PISD: variants seen among roughly 807,000 people sequenced by gnomAD.
PISD encodes phosphatidylserine decarboxylase, also known as phosphatidylserine decarboxylase proenzyme, mitochondrial.
In PISD, 31 loss-of-function variants were observed where a neutral mutation model predicts 43.5. The observed-to-expected ratio is 0.71, with a 90% CI of 0.54 to 0.96. The LOEUF is 0.96. Ranked by LOEUF, PISD falls within the 40% of genes least tolerant of loss-of-function variation. PISD has a pLI of 0.00. For synonymous variants in PISD, 259 were observed against 228.7 expected (o/e 1.13, Z -1.20); for missense variants, 523 against 548.4 (o/e 0.95, Z 0.46).
Position 31,648,090 on chromosome 22 carries a change from C to G in PISD, c.321+11G>C. ...GGACGAGAACCCAAGGCAGTTCCAC[C>G]TCATTCCTACCTCCCAGTGACCAGC... On this transcript the variant is annotated intron_variant, in intron 3 of 7. Coordinates refer to ENST00000439502, the MANE Select transcript of PISD (RefSeq NM_001326411.2). 1.9e-6 allele frequency: 3 copies of G among 1,607,642 alleles called. No individual in the cohort carries two copies. The highest frequency in any genetic ancestry group is 1.7e-6 in the Non-Finnish European group (2 of 1,177,884).
At position 31,619,198 on chromosome 22, in the gene PISD, G is replaced by A. The variant is rs541952690; in HGVS notation, c.*414C>T. The A allele has an allele frequency of 9.9e-4, 316 of 320,724 alleles. 5 individuals carry two copies. The highest frequency in any genetic ancestry group is 7.8e-3 in the South Asian group (309 of 39,714). 19.9% of individuals were successfully genotyped at this position (320,724 alleles called of 1,614,324 possible). A position where few individuals can be genotyped will look rare whatever the true frequency, so the allele number is the denominator to read the frequency against. ...AGGCACCTCACCCTGTGCAGCAGGA[G>A]CGTTAAGGCCAAAAAACAAAAGGGG... On this transcript the variant is annotated 3_prime_UTR_variant, in exon 8 of 8. Transcript: ENST00000439502.
chr22:31,629,092 C>A (rs552109063), intron 3 of PISD: 1 of 985,476 alleles, frequency 1.0e-6, no homozygotes, highest in Admixed American at 6.1e-5. Context: ...AGTGTCCCCA[C>A]CCGTCCCTCA....
chr22:31,625,507 C>G (rs1009472253), intron 3 of PISD: 7 of 587,150 alleles, frequency 1.2e-5, no homozygotes, highest in African/African-American at 1.1e-4. Flanking sequence ...TAGGGAAGAT[C>G]GCAGGCATGA....
intron 3 of PISD, among the ~76,000 whole-genome samples, chr22:31,640,575 GTTTTTTTTTT>G (rs759964791): frequency 2.2e-5 from 2 of 91,254 alleles, no homozygotes; most frequent in African/African-American, 4.5e-5. Context: ...CGGTTTGGTT[GTTTTTTTTTT>G]TTTTTTTTTT....
intron 2 of PISD, among the ~76,000 whole-genome samples, chr22:31,650,428 C>G (rs531955629): frequency 3.3e-5 from 5 of 150,922 alleles, no homozygotes; most frequent in African/African-American, 1.2e-4. Flanking sequence ...GTCCCAGCTA[C>G]TTGGAGAATG....
intron 3 of PISD, among the ~76,000 whole-genome samples, chr22:31,624,433 C>A (rs1233944380): frequency 6.6e-6 from 1 of 152,160 alleles, no homozygotes; most frequent in African/African-American, 2.4e-5. Context: ...TCCAGGCCCC[C>A]CCTTTCCTCA....
intron 6 of PISD, 43 bp downstream of exon 6, chr22:31,620,953 A>C: frequency 6.3e-7 from 1 of 1,575,056 alleles, no homozygotes. Context: ...CCTCTATATG[A>C]AGCCCACAGA....
intron 3 of PISD, among the ~76,000 whole-genome samples, chr22:31,635,121 G>A (rs893934212): frequency 1.6e-4 from 24 of 152,200 alleles, no homozygotes; most frequent in Admixed American, 3.3e-4. Flanking sequence ...AATTGAGATC[G>A]TGCCATTGCA....
At chr22:31,656,785 A>C (rs1208272280) in intron 1 of PISD, among the ~76,000 whole-genome samples, 1 of 151,954 alleles carries the variant, frequency 6.6e-6, no homozygotes, top group Admixed American at 6.6e-5. Context: ...CTCCTTGTCC[A>C]CACCACATGT....
Position 31,648,218 on chromosome 22 carries a change from G to A in PISD, c.204C>T (p.Pro68=), listed in dbSNP as rs775834044. ...ACCCGCCGCCTGTCACCAACAGAAT[G>A]GGCAGGGGACGCAGCAGGAACATGG... ...ARTMFLLRPL[P]ILLVTGGGYA... The change falls in exon 3 of 8, where the codon CCC becomes CCT. Residue 68 remains proline, a synonymous_variant. Transcript: ENST00000439502. 1.9e-6 allele frequency: 3 copies of A among 1,612,258 alleles called. No individual in the cohort carries two copies. The highest frequency in any genetic ancestry group is 1.7e-6 in the Non-Finnish European group (2 of 1,179,658).
chr22:31,652,219 C>A (rs927357261), intron 1 of PISD, among the ~76,000 whole-genome samples: 1 of 152,034 alleles, frequency 6.6e-6, no homozygotes, highest in African/African-American at 2.4e-5. Flanking sequence ...GCAACCTCCA[C>A]CTCCCGGGTT....
chr22:31,627,580 G>T (rs1299494266), intron 3 of PISD, among the ~76,000 whole-genome samples: 2 of 152,230 alleles, frequency 1.3e-5, no homozygotes, highest in Non-Finnish European at 2.9e-5. Flanking sequence ...TCTTTCCCTG[G>T]TCTATAGAGT....
rs553002260 is a variant in PISD, at chr22:31,642,931, C to T, written c.321+5170G>A. Among the ~76,000 whole-genome samples, 62 of 151,132 alleles carry T rather than the reference C, an allele frequency of 4.1e-4. 1 individual carries two copies. In the South Asian group the frequency reaches 7.8e-3, roughly 19 times the overall value. On this transcript the variant is annotated intron_variant, in intron 3 of 7. Transcript: ENST00000439502. ...CAGCTTGACCAACATGGAGCATCCC[C>T]GTCTCTACTAAAAATACTAAATTAG...
In PISD at chr22:31,640,888, T is replaced by TTTTTTTGTTTTTTG. The variant is rs1357503281; in HGVS notation, c.321+7212_321+7213insCAAAAAACAAAAAA. Reference sequence around the variant, plus strand: ...GAGCCACCACACCCGGTGTTTTTTTTTTTTTTTTTTTTTTTTGAGATGGAG... The same window carrying TTTTTTTGTTTTTTG: ...GAGCCACCACACCCGGTGTTTTTTTTTTTTTTGTTTTTTGTTTTTTTTTTTTTTTTGAGATGGAG... On this transcript the variant is annotated intron_variant, in intron 3 of 7. Coordinates refer to ENST00000439502, the MANE Select transcript of PISD (RefSeq NM_001326411.2). Among the ~76,000 whole-genome samples, 64 of 82,830 alleles carry TTTTTTTGTTTTTTG rather than the reference T, an allele frequency of 7.7e-4. 4 individuals carry two copies. Among genetic ancestry groups the TTTTTTTGTTTTTTG allele is most frequent in the African/African-American group, 1.9e-3 (38 of 20,024 alleles). 54.3% of individuals were successfully genotyped at this position (82,830 alleles called of 152,430 possible). A position where few individuals can be genotyped will look rare whatever the true frequency, so the allele number is the denominator to read the frequency against.
intron 3 of PISD, chr22:31,623,689 T>C (rs761331516): frequency 3.7e-6 from 6 of 1,613,340 alleles, no homozygotes; most frequent in South Asian, 1.1e-5. Flanking sequence ...CTTACCCTGC[T>C]TACGGGCCTC....
rs1184732916 is a variant in PISD, at chr22:31,627,351, GAGGCCCATTGCATCTCAAGGCCGAGGCCC to G, written c.322-5495_322-5467del. 5.9e-5 allele frequency among the ~76,000 whole-genome samples: 9 copies of G among 152,248 alleles called. 1 individual carries two copies. The highest frequency in any genetic ancestry group is 5.9e-4 in the Admixed American group (9 of 15,292). ...CACCAGGAGATTGGCACAGGCACAA[GAGGCCCATTGCATCTCAAGGCCGAGGCCC>G]AGGCCCATAGACAGCCCCAGTGTCC... is the stretch of plus-strand genomic sequence containing the variant. On this transcript the variant is annotated intron_variant, in intron 3 of 7. Transcript: ENST00000439502.
At chr22:31,626,075 GCAGTCC>G in intron 3 of PISD, 1 of 1,394,980 alleles carries the variant, frequency 7.2e-7, no homozygotes. Flanking sequence ...CTCAGGGCTT[GCAGTCC>G]AGTGCAAAAG....
At chr22:31,647,965 G>C in intron 3 of PISD, 136 bp downstream of exon 3, 1 of 753,490 alleles carries the variant, frequency 1.3e-6, no homozygotes, top group South Asian at 1.9e-5. Flanking sequence ...CCTGTATCTG[G>C]CCAAAACCTA....
intron 3 of PISD, among the ~76,000 whole-genome samples, chr22:31,646,000 T>G (rs1449694103): frequency 1.3e-5 from 2 of 151,704 alleles, no homozygotes; most frequent in East Asian, 3.9e-4. Context: ...TCCAAAACAC[T>G]TCCAGTCCCA....
Sources: gnomAD v4.1 joint callset for allele counts (sites outside exome capture counted in the v4.1 genomes callset) on GRCh38, gnomAD v4.1.1 for gene constraint, MANE v1.5 for transcripts, NCBI Gene and HGNC (gene_info 2026-07-23, HGNC 2026-07-21) for gene names.